The following GALNTL6 variants were observed in gnomAD, a reference collection of about 807,000 sequenced individuals.
GALNTL6 encodes the protein polypeptide N-acetylgalactosaminyltransferase like 6.
GALNTL6 carries 46 observed loss-of-function variants against 73.7 expected under a neutral mutation model. The ratio of observed to expected loss-of-function variants is 0.62; its 90% CI spans 0.49 to 0.80. The LOEUF is 0.80. Among genes scored for constraint, GALNTL6 ranks in the 30% least tolerant of loss-of-function variants. The pLI is 0.00. For synonymous variants in GALNTL6, 259 were observed against 263.7 expected, an observed-to-expected ratio of 0.98 and a Z score of 0.17; for missense variants, 604 against 755.0, an observed-to-expected ratio of 0.80 and a Z score of 2.34.
intron 3 of GALNTL6, among the ~76,000 whole-genome samples, chr4:172,281,804 C>G (rs542686828): frequency 6.6e-6 from 1 of 152,112 alleles, no homozygotes. Flanking sequence ...TTAATCACAT[C>G]TGCGAATTTC....
chr4:172,595,402 T>C (rs1737814181), intron 5 of GALNTL6, among the ~76,000 whole-genome samples: 1 of 152,154 alleles, frequency 6.6e-6, no homozygotes, highest in Non-Finnish European at 1.5e-5. Context: ...TATCCTGATA[T>C]CACAATAATG....
chr4:172,623,474 A>C (rs1431757053), intron 5 of GALNTL6, among the ~76,000 whole-genome samples: 2 of 152,130 alleles, frequency 1.3e-5, no homozygotes, highest in African/African-American at 2.4e-5. Context: ...GAAACTATCC[A>C]AAAGCCAGAA....
intron 2 of GALNTL6, among the ~76,000 whole-genome samples, chr4:171,914,707 T>C (rs984506720): frequency 4.6e-5 from 7 of 151,314 alleles, no homozygotes; most frequent in African/African-American, 9.7e-5. Context: ...TAAGCCACCA[T>C]GGCCGGCCAA....
At chr4:172,401,295 T>C (rs576069034) in intron 5 of GALNTL6, among the ~76,000 whole-genome samples, 5 of 152,292 alleles carry the variant, frequency 3.3e-5, no homozygotes, top group African/African-American at 1.2e-4. Context: ...TATAAAGTTT[T>C]GCTGCTTAAA....
In GALNTL6 at chr4:172,363,026, G is replaced by T. The variant is rs565009406; in HGVS notation, c.553+14337G>T. 4.6e-5 allele frequency among the ~76,000 whole-genome samples: 7 copies of T among 152,128 alleles called. No homozygotes were observed. The South Asian group carries it at 1.5e-3, about 32-fold the overall frequency. On this transcript the variant is annotated intron_variant, in intron 5 of 12. Coordinates refer to ENST00000506823, the MANE Select transcript of GALNTL6 (RefSeq NM_001034845.3). Reference sequence around the variant, plus strand: ...ATAATATTTATAACAATCAAAACTGGCAGTCTTCCCTCTCTATAACTTTTT... The same window carrying T: ...ATAATATTTATAACAATCAAAACTGTCAGTCTTCCCTCTCTATAACTTTTT...
At chr4:172,303,753 T>C (rs1740023408) in intron 3 of GALNTL6, among the ~76,000 whole-genome samples, 1 of 152,208 alleles carries the variant, frequency 6.6e-6, no homozygotes, top group Non-Finnish European at 1.5e-5. Context: ...AATCCTTATG[T>C]ACATTAGAGC....
chr4:172,596,027 G>A (rs4695870), intron 5 of GALNTL6, among the ~76,000 whole-genome samples: 79,699 of 151,960 alleles, frequency 0.52, 21,720 homozygotes, highest in East Asian at 0.77. Context: ...AAACATATAA[G>A]TGTTATGCAG....
At chr4:171,846,552 CATTTATTTACTCTTGTGTAA>C (rs1360848396) in intron 2 of GALNTL6, among the ~76,000 whole-genome samples, 7 of 151,898 alleles carry the variant, frequency 4.6e-5, no homozygotes, top group Admixed American at 3.3e-4. Context: ...CTTAACACTT[CATTTATTTACTCTTGTGTAA>C]ATTTATTTAC....
chr4:171,859,281 G>A (rs139941672), intron 2 of GALNTL6, among the ~76,000 whole-genome samples: 9 of 152,226 alleles, frequency 5.9e-5, no homozygotes, highest in Admixed American at 4.6e-4. Context: ...TTCATAATAT[G>A]CTTATTGTGT....
chr4:172,401,039 CTTTTG>C (rs1430413320), intron 5 of GALNTL6, among the ~76,000 whole-genome samples: 2 of 152,106 alleles, frequency 1.3e-5, no homozygotes, highest in East Asian at 3.9e-4. Flanking sequence ...CCAATTCATC[CTTTTG>C]TTTTGTTAGT....
intron 2 of GALNTL6, among the ~76,000 whole-genome samples, chr4:171,853,519 T>A (rs1179453644): frequency 6.6e-6 from 1 of 151,232 alleles, no homozygotes; most frequent in Admixed American, 6.6e-5. Flanking sequence ...CTTTTCCTTT[T>A]CCTTTATCTT....
At chr4:172,605,672 C>T (rs1380560974) in intron 5 of GALNTL6, among the ~76,000 whole-genome samples, 3 of 151,972 alleles carry the variant, frequency 2.0e-5, no homozygotes, top group African/African-American at 7.3e-5. Context: ...AAAAAGTATG[C>T]GGTTTGGTAT....
chr4:171,952,052 C>A, intron 2 of GALNTL6, among the ~76,000 whole-genome samples: 1 of 151,820 alleles, frequency 6.6e-6, no homozygotes, highest in East Asian at 1.9e-4. Flanking sequence ...ACAAAAAAAC[C>A]ATTCTTTGAA....
intron 5 of GALNTL6, among the ~76,000 whole-genome samples, chr4:172,780,741 T>C (rs72998107): frequency 0.041 from 6,214 of 152,252 alleles, 344 homozygotes; most frequent in Admixed American, 0.11. Context: ...TCTGTCTCCT[T>C]CCCCTTAAGA....
intron 2 of GALNTL6, among the ~76,000 whole-genome samples, chr4:172,224,397 C>T (rs1736783623): frequency 6.6e-6 from 1 of 152,104 alleles, no homozygotes; most frequent in Non-Finnish European, 1.5e-5. Flanking sequence ...TTCCAAGGAA[C>T]AAATAGAATC....
intron 2 of GALNTL6, among the ~76,000 whole-genome samples, chr4:171,949,802 T>C (rs1339635909): frequency 1.3e-5 from 2 of 152,140 alleles, no homozygotes; most frequent in African/African-American, 2.4e-5. Context: ...TTATATAAAA[T>C]GATTCTGAAA....
chr4:172,503,550 G>GTATATA (rs58300277), intron 5 of GALNTL6, among the ~76,000 whole-genome samples: 1 of 74,530 alleles, frequency 1.3e-5, no homozygotes. Context: ...ATATATATAT[G>GTATATA]TATTAGTTTT....
At chr4:172,690,638 T>C (rs1012606675) in intron 5 of GALNTL6, among the ~76,000 whole-genome samples, 31 of 152,184 alleles carry the variant, frequency 2.0e-4, no homozygotes, top group African/African-American at 7.2e-4. Context: ...CACATCACAT[T>C]ATAGTGGATT....
At chr4:172,024,250 A>G (rs1741488276) in intron 2 of GALNTL6, among the ~76,000 whole-genome samples, 1 of 151,844 alleles carries the variant, frequency 6.6e-6, no homozygotes, top group African/African-American at 2.4e-5. Context: ...ATTTACATAT[A>G]TACATATCAA....
Sources: gnomAD v4.1 joint callset for allele counts (sites outside exome capture counted in the v4.1 genomes callset) on GRCh38, gnomAD v4.1.1 for gene constraint, MANE v1.5 for transcripts, NCBI Gene and HGNC (gene_info 2026-07-23, HGNC 2026-07-21) for gene names.